RPH3A: variants seen among roughly 807,000 people sequenced by gnomAD.
RPH3A encodes the protein rabphilin-3A.
RPH3A carries 48 observed loss-of-function variants against 102.2 expected under a neutral mutation model. The ratio of observed to expected loss-of-function variants is 0.47; its 90% CI spans 0.37 to 0.60. RPH3A has a LOEUF of 0.60. Among genes scored for constraint, RPH3A ranks in the 20% least tolerant of loss-of-function variants. The probability of loss-of-function intolerance (pLI) is 0.00; values close to 1 mark genes in which losing one functional copy is unlikely to be tolerated. For synonymous variants in RPH3A, 310 were observed against 324.3 expected (o/e 0.96, Z 0.47); for missense variants, 781 against 910.1 (o/e 0.86, Z 1.83).
At chr12:112,738,500 A>G (rs915664211) in intron 1 of RPH3A, among the ~76,000 whole-genome samples, 3 of 152,136 alleles carry the variant, frequency 2.0e-5, no homozygotes, top group African/African-American at 7.2e-5. Context: ...TGCAGGGGGT[A>G]CTACTTAACC....
At chr12:112,797,966 G>C (rs1157151757) in intron 2 of RPH3A, among the ~76,000 whole-genome samples, 1 of 152,186 alleles carries the variant, frequency 6.6e-6, no homozygotes, top group East Asian at 1.9e-4. Context: ...TGGGATTCCA[G>C]CCGTGAGCCA....
chr12:112,666,074 C>G (rs150563576), intron 1 of RPH3A, among the ~76,000 whole-genome samples: 2 of 152,162 alleles, frequency 1.3e-5, no homozygotes, highest in Non-Finnish European at 2.9e-5. Context: ...GCTACTTACT[C>G]GACACATGCA....
intron 1 of RPH3A, among the ~76,000 whole-genome samples, chr12:112,713,000 TCTTCCTCTTCCTCTTCCTCTTCC>T (rs2040482606): frequency 9.3e-5 from 7 of 75,412 alleles, no homozygotes; most frequent in Admixed American, 1.5e-4. Context: ...TTTGTCTTCC[TCTTCCTCTTCCTCTTCCTCTTCC>T]TCTTCTTCTT....
intron 1 of RPH3A, among the ~76,000 whole-genome samples, chr12:112,648,625 G>T (rs1482341364): frequency 2.9e-5 from 4 of 137,514 alleles, no homozygotes; most frequent in African/African-American, 1.1e-4. Flanking sequence ...CATGTCTGTA[G>T]TCCCAGCTAC....
At chr12:112,680,637 G>A (rs1211307993) in intron 1 of RPH3A, among the ~76,000 whole-genome samples, 1 of 152,086 alleles carries the variant, frequency 6.6e-6, no homozygotes, top group East Asian at 1.9e-4. Flanking sequence ...CACTGGCCCT[G>A]CCCATTCCTA....
intron 1 of RPH3A, among the ~76,000 whole-genome samples, chr12:112,684,392 G>C (rs542447507): frequency 6.6e-6 from 1 of 152,026 alleles, no homozygotes; most frequent in Non-Finnish European, 1.5e-5. Flanking sequence ...CTGAGTAGCT[G>C]GGATTACAGG....
chr12:112,658,429 G>A (rs573968017), intron 1 of RPH3A, among the ~76,000 whole-genome samples: 3 of 152,228 alleles, frequency 2.0e-5, no homozygotes, highest in Admixed American at 6.5e-5. Context: ...TGCCCACCTC[G>A]GCCTCCCGAA....
intron 1 of RPH3A, among the ~76,000 whole-genome samples, chr12:112,588,136 A>G (rs1407204108): frequency 6.6e-6 from 1 of 152,204 alleles, no homozygotes; most frequent in Non-Finnish European, 1.5e-5. Context: ...TGCTGGGCAC[A>G]ATGAAGTTGC....
chr12:112,663,400 G>A (rs923809565), intron 1 of RPH3A, among the ~76,000 whole-genome samples: 12 of 152,048 alleles, frequency 7.9e-5, no homozygotes, highest in African/African-American at 2.9e-4. Context: ...ATTTTGTAAA[G>A]ATGGGTTTTT....
At chr12:112,890,195 C>A (rs910472923) in intron 18 of RPH3A, 115 bp downstream of exon 18, 1 of 934,734 alleles carries the variant, frequency 1.1e-6, no homozygotes, top group Non-Finnish European at 1.7e-6. Flanking sequence ...CCAACCACCC[C>A]CCTGTTGATT....
intron 1 of RPH3A, among the ~76,000 whole-genome samples, chr12:112,751,098 TG>T (rs1384566461): frequency 6.6e-6 from 1 of 152,236 alleles, no homozygotes; most frequent in African/African-American, 2.4e-5. Context: ...TTAGGACTTT[TG>T]GTTATTTGAG....
At chr12:112,664,192 G>A (rs1001655893) in intron 1 of RPH3A, among the ~76,000 whole-genome samples, 4 of 152,168 alleles carry the variant, frequency 2.6e-5, no homozygotes, top group African/African-American at 9.7e-5. Flanking sequence ...AGTTCATATG[G>A]CTTAAGCATG....
intron 2 of RPH3A, among the ~76,000 whole-genome samples, chr12:112,797,940 C>T (rs1262640938): frequency 1.3e-5 from 2 of 152,180 alleles, no homozygotes; most frequent in South Asian, 2.1e-4. Context: ...CCTCCTGCCT[C>T]GGCCTACCGA....
rs1417742814 is a variant in RPH3A at position 112,712,964 on chromosome 12, T to TTCTTC, written c.-139-79178_-139-79177insCTTCT. ...CTTCTTCTTCTTCTTCTTCTTCTTC[T>TTCTTC]TTCTTCTTCTTTCTTCTTCGTCGTC... On this transcript the variant is annotated intron_variant, in intron 1 of 21. Transcript: ENST00000543106. 1.3e-3 allele frequency among the ~76,000 whole-genome samples: 89 copies of TTCTTC among 70,294 alleles called. 6 individuals carry two copies. Among genetic ancestry groups the TTCTTC allele is most frequent in the African/African-American group, 3.5e-3 (63 of 17,910 alleles). 46.1% of individuals were successfully genotyped at this position (70,294 alleles called of 152,430 possible).
chr12:112,729,092 T>C (rs1400984448), intron 1 of RPH3A, among the ~76,000 whole-genome samples: 1 of 151,996 alleles, frequency 6.6e-6, no homozygotes, highest in African/African-American at 2.4e-5. Context: ...AGTCATTTGG[T>C]CAGCAATTTT....
chr12:112,748,316 T>C (rs2040762156), intron 1 of RPH3A, among the ~76,000 whole-genome samples: 1 of 152,100 alleles, frequency 6.6e-6, no homozygotes, highest in South Asian at 2.1e-4. Flanking sequence ...AATGTTTGGC[T>C]TCCACCACCA....
At chr12:112,684,199 G>C (rs1225585812) in intron 1 of RPH3A, among the ~76,000 whole-genome samples, 1 of 152,030 alleles carries the variant, frequency 6.6e-6, no homozygotes, top group Non-Finnish European at 1.5e-5. Flanking sequence ...CTAAAACATT[G>C]TACCAGTTTA....
intron 1 of RPH3A, among the ~76,000 whole-genome samples, chr12:112,754,613 CA>C (rs1251671033): frequency 1.3e-5 from 2 of 152,186 alleles, no homozygotes; most frequent in African/African-American, 4.8e-5. Flanking sequence ...TCCTGGCTGC[CA>C]AAGTGAAAAG....
intron 1 of RPH3A, among the ~76,000 whole-genome samples, chr12:112,779,913 G>A (rs911293468): frequency 6.6e-6 from 1 of 152,152 alleles, no homozygotes; most frequent in African/African-American, 2.4e-5. Flanking sequence ...GAGACAGAGG[G>A]AAGAAGGCCA....
Sources: gnomAD v4.1 joint callset for allele counts (sites outside exome capture counted in the v4.1 genomes callset) on GRCh38, gnomAD v4.1.1 for gene constraint, MANE v1.5 for transcripts, NCBI Gene and HGNC (gene_info 2026-07-23, HGNC 2026-07-21) for gene names.